MAST3: variants seen among roughly 807,000 people sequenced by gnomAD.
MAST3 encodes microtubule-associated serine/threonine-protein kinase 3.
Under a neutral mutation model 127.0 loss-of-function variants are expected in MAST3, and 43 were observed. That is an observed-to-expected ratio of 0.34 (90% CI 0.27 to 0.44). The LOEUF (loss-of-function observed/expected upper bound fraction) is 0.44. MAST3 is among the 20% of genes least tolerant of loss of function. MAST3 has a pLI of 1.00. For missense variants in MAST3, 1,390 were observed against 1,919.1 expected, an observed-to-expected ratio of 0.72 and a Z score of 5.15; for synonymous variants, 785 against 809.2, an observed-to-expected ratio of 0.97 and a Z score of 0.51.
At position 18,149,891 on chromosome 19, in the gene MAST3, G is replaced by GT; in HGVS notation, c.*166dup. Reference sequence around the variant, plus strand: ...AGGTGGAGACATCGCTTGTGTTCTGGTGTCAATCGGGGCTGGATGGGGCAA... The same window carrying GT: ...AGGTGGAGACATCGCTTGTGTTCTGGTTGTCAATCGGGGCTGGATGGGGCAA... On this transcript the variant is annotated 3_prime_UTR_variant, in exon 28 of 28. Transcript: ENST00000687212. This position sits in a 1 kb window ranked among gnomAD's most constrained non-coding sequence, Gnocchi z 5.9. The GT allele has an allele frequency of 1.2e-6, 1 of 859,888 alleles. No homozygotes were observed. The highest frequency in any genetic ancestry group is 1.6e-6 in the Non-Finnish European group (1 of 643,304). The allele number at this position is 859,888 out of a possible 1,614,324, so 53.3% of individuals were successfully genotyped here.
At chr19:18,100,849 C>T (rs1325319520) in intron 1 of MAST3, among the ~76,000 whole-genome samples, 2 of 152,194 alleles carry the variant, frequency 1.3e-5, no homozygotes, top group Non-Finnish European at 2.9e-5. Context: ...TTCCTGGAGG[C>T]CAAAGGCCAA....
chr19:18,133,778 T>G (rs1299078523), intron 15 of MAST3, among the ~76,000 whole-genome samples: 1 of 152,068 alleles, frequency 6.6e-6, no homozygotes, highest in East Asian at 1.9e-4. Flanking sequence ...GGTTTTGAAC[T>G]CCCGACCTCA....
At chr19:18,146,111 T>C (rs1439941945) in intron 25 of MAST3, among the ~76,000 whole-genome samples, 1 of 152,064 alleles carries the variant, frequency 6.6e-6, no homozygotes, top group Non-Finnish European at 1.5e-5. Flanking sequence ...TTCCTCCCTC[T>C]GGCCTGAGGC....
At position 18,143,980 on chromosome 19, in the gene MAST3, G is replaced by T. The variant is rs2042778775; in HGVS notation, c.2557G>T (p.Val853Leu). 1 of 1,584,330 alleles carries T rather than the reference G, an allele frequency of 6.3e-7. No individual in the cohort carries two copies. Among genetic ancestry groups the T allele is most frequent in the African/African-American group, 1.3e-5 (1 of 74,312 alleles). Residue 853 changes from valine to leucine, a missense_variant, in exon 22 of 28, where the codon GTG becomes TTG. By Grantham distance (32) the Val-to-Leu change is conservative (BLOSUM62 1). Around this residue, in one of 5 missense-constraint regions of MAST3, gnomAD observed 816 missense variants for 934.1 expected, o/e 0.87. Coordinates refer to ENST00000687212, the MANE Select transcript of MAST3 (RefSeq NM_001393504.1). ...EPDPPPAATP[V>L]MPKPSSLSAD... ...TGACCCCCCACCAGCGGCCACCCCA[G>T]TGATGCCCAAGCCCTCGAGCCTTTC... is the stretch of plus-strand genomic sequence containing the variant.
At chr19:18,139,851 G>A (rs1282083866) in intron 20 of MAST3, among the ~76,000 whole-genome samples, 8 of 135,248 alleles carry the variant, frequency 5.9e-5, no homozygotes, top group East Asian at 2.2e-4. Flanking sequence ...ACAGAGTCTC[G>A]CTCTTTTGCC....
At chr19:18,108,866 A>AT (rs1420137177) in intron 2 of MAST3, among the ~76,000 whole-genome samples, 2 of 151,980 alleles carry the variant, frequency 1.3e-5, no homozygotes, top group Non-Finnish European at 2.9e-5. Flanking sequence ...CTCAATGAAC[A>AT]TTTTTTTGAG....
At chr19:18,132,836 C>T (rs1174500411) in intron 15 of MAST3, among the ~76,000 whole-genome samples, 1 of 152,210 alleles carries the variant, frequency 6.6e-6, no homozygotes, top group Admixed American at 6.5e-5. Context: ...GGCTTGGTGG[C>T]TCACACCTGT....
chr19:18,134,654 C>T lies in MAST3; in HGVS notation c.1647C>T (p.Ala549=), dbSNP rs1362626961. 3.1e-6 allele frequency: 5 copies of T among 1,613,628 alleles called. No homozygotes were observed. The highest frequency in any genetic ancestry group is 4.2e-6 in the Non-Finnish European group (5 of 1,179,754). The change falls in exon 16 of 28, where the codon GCC becomes GCT. Residue 549 remains alanine (A), a synonymous_variant. Transcript: ENST00000687212. ...CCAAGATCGGCCTCATGAGCATGGC[C>T]ACCAACCTCTATGAGGGCCACATCG... is the stretch of plus-strand genomic sequence containing the variant. ...GLSKIGLMSM[A]TNLYEGHIEK...
chr19:18,129,185 C>T, intron 13 of MAST3: 3 of 536,698 alleles, frequency 5.6e-6, no homozygotes, highest in Non-Finnish European at 1.0e-5. Flanking sequence ...AGGTGTAGGG[C>T]GTTCTAGGGG....
At chr19:18,100,471 TGATCAC>T (rs969171054) in intron 1 of MAST3, among the ~76,000 whole-genome samples, 18 of 152,000 alleles carry the variant, frequency 1.2e-4, no homozygotes, top group African/African-American at 4.4e-4. Context: ...TAGTGAGCCA[TGATCAC>T]GAGACCCTAT....
chr19:18,143,920 G>A lies in MAST3; in HGVS notation c.2497G>A (p.Gly833Ser), dbSNP rs779995351. The change falls in exon 22 of 28, where the codon GGC becomes AGC. Residue 833 changes from glycine to serine, a missense_variant. Coordinates refer to ENST00000687212, the MANE Select transcript of MAST3 (RefSeq NM_001393504.1). ...EDEGVGPGPA[G>S]PKRPVFILGE... ...TGAGGGGGTAGGCCCAGGCCCTGCA[G>A]GCCCCAAGAGGCCCGTCTTCATTCT... 3 of 1,612,880 alleles carry A rather than the reference G, an allele frequency of 1.9e-6. No homozygotes were observed. Among genetic ancestry groups the A allele is most frequent in the Non-Finnish European group, 1.7e-6 (2 of 1,179,522 alleles).
intron 5 of MAST3, 134 bp downstream of exon 5, chr19:18,122,056 G>T (rs1198181038): frequency 1.4e-6 from 2 of 1,480,942 alleles, no homozygotes; most frequent in Non-Finnish European, 1.8e-6. Context: ...CCGTCTGGTG[G>T]TGGTCTCCCC....
In MAST3 at chr19:18,149,205, C is replaced by T. The variant is rs574021410; in HGVS notation, c.3523C>T (p.Pro1175Ser). ...ATCACCCACAGATACCACTGCATCC[C>T]CACCCAGCGCATCCCCGAGCTCCAG... is the stretch of plus-strand genomic sequence containing the variant. ...PDVPADTTASPPSASPSSSSP... is the reference protein window; with the variant it reads ...PDVPADTTASSPSASPSSSSP... Residue 1175 changes from proline to serine, a missense_variant, in exon 28 of 28, where the codon CCA becomes TCA. Transcript: ENST00000687212. The surrounding 1 kb of genome is among the most constrained non-coding windows in gnomAD (Gnocchi z 5.9). 1.3e-6 allele frequency: 2 copies of T among 1,538,276 alleles called. No individual in the cohort carries two copies. The highest frequency in any genetic ancestry group is 1.7e-6 in the Non-Finnish European group (2 of 1,145,124).
Position 18,100,128 on chromosome 19 carries a change from C to CTCTTTTTTTTTTT in MAST3, c.39+2298_39+2299insCTTTTTTTTTTTT, listed in dbSNP as rs776661078. Reference sequence around the variant, plus strand: ...GGCAGAAGGATCTCTCTCTCTCTCTCTTTTTTTTTTTTTTGAGAAAGAATC... The same window carrying CTCTTTTTTTTTTT: ...GGCAGAAGGATCTCTCTCTCTCTCTCTCTTTTTTTTTTTTTTTTTTTTTTTTTGAGAAAGAATC... On this transcript the variant is annotated intron_variant, in intron 1 of 27. Transcript: ENST00000687212. Among the ~76,000 whole-genome samples the CTCTTTTTTTTTTT allele has an allele frequency of 1.6e-4, 20 of 121,716 alleles. 1 individual carries two copies. The highest frequency in any genetic ancestry group is 5.3e-4 in the East Asian group (2 of 3,780). The allele number at this position is 121,716 out of a possible 152,430, so 79.9% of individuals were successfully genotyped here.
intron 3 of MAST3, among the ~76,000 whole-genome samples, chr19:18,118,530 G>A (rs1175263651): frequency 6.6e-6 from 1 of 152,168 alleles, no homozygotes; most frequent in African/African-American, 2.4e-5. Context: ...ATTTGAACCC[G>A]GGTGTCCAGG....
Position 18,130,721 on chromosome 19 carries a change from G to T in MAST3, c.1432+19G>T. The T allele has an allele frequency of 6.2e-7, 1 of 1,609,348 alleles. No homozygotes were observed. Among genetic ancestry groups the T allele is most frequent in the Non-Finnish European group, 8.5e-7 (1 of 1,177,498 alleles). The stretch of plus-strand genomic sequence containing the variant: ...GTGGAAGGTACGCTCACTGGGGCTT[G>T]CATGCCTCCAGCGATGGGGAGCTCA... On this transcript the variant is annotated intron_variant, in intron 14 of 27. Transcript: ENST00000687212.
chr19:18,101,212 A>C (rs1392568136), intron 1 of MAST3, among the ~76,000 whole-genome samples: 2 of 152,200 alleles, frequency 1.3e-5, no homozygotes, highest in Non-Finnish European at 2.9e-5. Context: ...CAAACAGAGC[A>C]TCCCCCGGCA....
intron 27 of MAST3, among the ~76,000 whole-genome samples, chr19:18,148,590 C>A (rs2043270315): frequency 6.6e-6 from 1 of 152,018 alleles, no homozygotes; most frequent in Non-Finnish European, 1.5e-5. Context: ...AAGGAAACAA[C>A]CCTGAGCAGG....
intron 18 of MAST3, 45 bp from the exon 19 acceptor site, chr19:18,137,194 C>T (rs761040193): frequency 5.7e-6 from 9 of 1,567,632 alleles, no homozygotes; most frequent in African/African-American, 2.7e-5. Flanking sequence ...CATCCTGTGG[C>T]GGGTGAGGTG....
Sources: gnomAD v4.1 joint callset for allele counts (sites outside exome capture counted in the v4.1 genomes callset) on GRCh38, gnomAD v4.1.1 for gene constraint, gnomAD v4.1.1 regional missense constraint, Gnocchi (gnomAD v3.1) non-coding constraint, MANE v1.5 for transcripts, NCBI Gene and HGNC (gene_info 2026-07-23, HGNC 2026-07-21) for gene names.